The following CFAP43 variants were observed in gnomAD, a reference collection of about 807,000 sequenced individuals.
CFAP43 encodes cilia and flagella associated protein 43.
A neutral mutation model predicts 218.9 loss-of-function variants in CFAP43; 155 were observed. That is an observed-to-expected ratio of 0.71 (90% CI 0.62 to 0.81). CFAP43 has a LOEUF of 0.81. CFAP43 is among the 30% of genes least tolerant of loss of function. CFAP43 has a pLI of 0.00. For missense variants in CFAP43, 1,778 were observed against 1,954.3 expected (o/e 0.91, Z 1.70); for synonymous variants, 645 against 681.3 (o/e 0.95, Z 0.83).
chr10:104,189,595 C>T (rs2090140088), intron 12 of CFAP43, among the ~76,000 whole-genome samples: 1 of 152,108 alleles, frequency 6.6e-6, no homozygotes, highest in South Asian at 2.1e-4. Flanking sequence ...TTACTCTGGC[C>T]CAGCCTCAGT....
At chr10:104,147,302 A>G (rs948970262) in intron 29 of CFAP43, among the ~76,000 whole-genome samples, 7 of 151,696 alleles carry the variant, frequency 4.6e-5, no homozygotes, top group African/African-American at 1.7e-4. Context: ...AGTTCATGTC[A>G]TTTTTAAGTC....
At chr10:104,191,797 G>T (rs549121395) in intron 12 of CFAP43, among the ~76,000 whole-genome samples, 2,908 of 138,540 alleles carry the variant, frequency 0.021, 55 homozygotes, top group South Asian at 0.051. Context: ...TGTGGGGGGG[G>T]GGAAACACAT....
chr10:104,230,575 G>C lies in CFAP43; in HGVS notation c.319+15C>G, dbSNP rs74154759. On this transcript the variant is annotated intron_variant, in intron 2 of 37. Coordinates refer to ENST00000357060, the MANE Select transcript of CFAP43 (RefSeq NM_025145.7). ...ATCCTTCAATTATGGGCAGAGGAAG[G>C]GTTCTCTAGAATACCTTTCAATTTG... The C allele has an allele frequency of 1.1e-3, 1,800 of 1,607,660 alleles. 18 individuals carry two copies. In the African/African-American group the frequency reaches 0.021, roughly 19 times the overall value.
chr10:104,206,750 G>A (rs2090702237), intron 6 of CFAP43, among the ~76,000 whole-genome samples: 1 of 152,194 alleles, frequency 6.6e-6, no homozygotes, highest in South Asian at 2.1e-4. Context: ...TCCTCCCAGG[G>A]TCTACATCTA....
chr10:104,153,493 G>A (rs1261931561), intron 27 of CFAP43, among the ~76,000 whole-genome samples: 2 of 152,104 alleles, frequency 1.3e-5, no homozygotes, highest in African/African-American at 4.8e-5. Context: ...CACATTGCAT[G>A]CCTGTATCAA....
chr10:104,228,235 G>C (rs7069736), intron 2 of CFAP43, among the ~76,000 whole-genome samples: 13,773 of 152,022 alleles, frequency 0.091, 1,044 homozygotes, highest in African/African-American at 0.21. Context: ...TGATACTTTT[G>C]TTAAAATATG....
intron 9 of CFAP43, among the ~76,000 whole-genome samples, chr10:104,197,508 G>C (rs1319204072): frequency 1.3e-5 from 2 of 152,112 alleles, no homozygotes; most frequent in East Asian, 3.8e-4. Flanking sequence ...TCAACCTCAG[G>C]TGGTGCTGCT....
intron 34 of CFAP43, among the ~76,000 whole-genome samples, chr10:104,136,300 A>C (rs1001907511): frequency 1.3e-5 from 2 of 151,016 alleles, no homozygotes; most frequent in African/African-American, 2.4e-5. Flanking sequence ...AAGAAGAAAG[A>C]AAACAGGGAT....
rs139314213 is a variant in CFAP43 at position 104,157,775 on chromosome 10, TGAGAGAGAGAGAGAGA to T, written c.3540+3246_3540+3261del. 3.7e-3 allele frequency among the ~76,000 whole-genome samples: 334 copies of T among 90,152 alleles called. 2 individuals are homozygous for T. Among genetic ancestry groups the T allele is most frequent in the African/African-American group, 0.013 (263 of 20,018 alleles). 59.1% of individuals were successfully genotyped at this position (90,152 alleles called of 152,430 possible). On this transcript the variant is annotated intron_variant, in intron 27 of 37. Transcript: ENST00000357060. ...GTGTGTGTGTGTGTGTGTGTGTGTGTGAGAGAGAGAGAGAGAGAGAGAGAGAGAGAGAGAATGACTC... is the reference window on the plus strand; with the variant it reads ...GTGTGTGTGTGTGTGTGTGTGTGTGTGAGAGAGAGAGAGAGAGAATGACTC...
chr10:104,165,059 AT>A (rs2089083084), intron 23 of CFAP43, among the ~76,000 whole-genome samples: 1 of 152,250 alleles, frequency 6.6e-6, no homozygotes, highest in Admixed American at 6.5e-5. Flanking sequence ...TGTAGAAAGT[AT>A]TTGGAGAATC....
chr10:104,176,502 C>A (rs1175030723), intron 19 of CFAP43, among the ~76,000 whole-genome samples: 1 of 152,062 alleles, frequency 6.6e-6, no homozygotes, highest in Non-Finnish European at 1.5e-5. Flanking sequence ...TAAAATTTGG[C>A]ACATTATAAA....
chr10:104,157,407 GCACAT>G (rs1449269510), intron 27 of CFAP43, among the ~76,000 whole-genome samples: 5 of 152,148 alleles, frequency 3.3e-5, no homozygotes, highest in African/African-American at 1.2e-4. Context: ...TACAAAATGT[GCACAT>G]CACAACATGC....
intron 27 of CFAP43, among the ~76,000 whole-genome samples, chr10:104,157,192 G>GT (rs1411602632): frequency 3.5e-4 from 53 of 152,194 alleles, no homozygotes; most frequent in Non-Finnish European, 7.6e-4. Flanking sequence ...GAACAAAGTG[G>GT]TTTCCCACAG....
chr10:104,200,730 A>C (rs1440272014), intron 8 of CFAP43, among the ~76,000 whole-genome samples: 1 of 151,030 alleles, frequency 6.6e-6, no homozygotes, highest in Non-Finnish European at 1.5e-5. Context: ...ACCCATGTAG[A>C]TTCTGTGGGA....
At chr10:104,174,620 A>C (rs1374245436) in intron 19 of CFAP43, among the ~76,000 whole-genome samples, 1 of 152,242 alleles carries the variant, frequency 6.6e-6, no homozygotes, top group Admixed American at 6.5e-5. Context: ...TATAAACTAT[A>C]AGATACCTAA....
At chr10:104,205,743 C>T (rs1302631943) in intron 7 of CFAP43, among the ~76,000 whole-genome samples, 1 of 152,058 alleles carries the variant, frequency 6.6e-6, no homozygotes, top group Non-Finnish European at 1.5e-5. Flanking sequence ...TGTTTGTTTG[C>T]AGTAATATAT....
intron 19 of CFAP43, among the ~76,000 whole-genome samples, chr10:104,178,172 T>C (rs11191939): frequency 0.097 from 14,714 of 152,212 alleles, 765 homozygotes; most frequent in Middle Eastern, 0.18. Flanking sequence ...GGCAGATCTC[T>C]AGGACGGCAG....
At chr10:104,180,838 C>T (rs2089814390) in intron 17 of CFAP43, among the ~76,000 whole-genome samples, 1 of 152,126 alleles carries the variant, frequency 6.6e-6, no homozygotes, top group Non-Finnish European at 1.5e-5. Flanking sequence ...CCTGTAACCT[C>T]ACTGGCTACC....
intron 19 of CFAP43, among the ~76,000 whole-genome samples, chr10:104,174,099 A>G (rs1205772929): frequency 1.3e-5 from 2 of 152,256 alleles, no homozygotes; most frequent in Non-Finnish European, 2.9e-5. Context: ...ATCTAAGACA[A>G]TCAAGTGACA....
Sources: allele counts gnomAD v4.1 joint callset (sites outside exome capture counted in the v4.1 genomes callset), GRCh38; gene constraint gnomAD v4.1.1; transcripts MANE v1.5; gene names NCBI Gene and HGNC (gene_info 2026-07-23, HGNC 2026-07-21).